PRRC2C: variants seen among roughly 807,000 people sequenced by gnomAD.
PRRC2C encodes the protein protein PRRC2C.
PRRC2C carries 72 observed loss-of-function variants against 317.2 expected under a neutral mutation model. The observed-to-expected ratio is 0.23, with a 90% CI of 0.19 to 0.28. PRRC2C has a LOEUF of 0.28. Ranked by LOEUF, PRRC2C falls within the 10% of genes least tolerant of loss-of-function variation. PRRC2C has a pLI of 1.00. For missense variants in PRRC2C, 3,074 were observed against 3,459.7 expected (o/e 0.89, Z 2.80); for synonymous variants, 1,296 against 1,205.9 (o/e 1.07, Z -1.55).
In PRRC2C at chr1:171,577,419, C is replaced by T. The variant is rs1647275933; in HGVS notation, c.6956-15C>T. 5 of 1,573,022 alleles carry T rather than the reference C, an allele frequency of 3.2e-6. No homozygotes were observed. The highest frequency in any genetic ancestry group is 3.5e-6 in the Non-Finnish European group (4 of 1,145,876). Reference sequence around the variant, plus strand: ...TATGCTCTATTTTCCCCTTTATTTGCTTCCCCAAATATAGGAGCTGGTACA... The same window carrying T: ...TATGCTCTATTTTCCCCTTTATTTGTTTCCCCAAATATAGGAGCTGGTACA... On this transcript the variant is annotated splice_polypyrimidine_tract_variant and intron_variant, in intron 25 of 34. Transcript: ENST00000647382.
intron 2 of PRRC2C, 91 bp downstream of exon 2, chr1:171,512,291 C>T (rs1371181016): frequency 5.6e-6 from 5 of 899,852 alleles, no homozygotes; most frequent in Non-Finnish European, 8.9e-6. Context: ...TAGGATGTAC[C>T]CAAGTTAATA....
chr1:171,532,620 G>A lies in PRRC2C; in HGVS notation c.1532G>A (p.Arg511Gln), dbSNP rs755613143. The stretch of plus-strand genomic sequence containing the variant: ...CCAGAGGAAATTAGGGAAAGGGAGC[G>A]AGAAAAAGAACGGGAGCGTGAGAAA... Reference protein sequence around the residue: ...PSPEEIREREREKEREREKEL... With the variant: ...PSPEEIREREQEKEREREKEL... Residue 511 changes from arginine to glutamine, a missense_variant, in exon 12 of 35, where the codon CGA becomes CAA. Transcript: ENST00000647382. 9.7e-6 allele frequency: 15 copies of A among 1,552,862 alleles called. No homozygotes were observed. The East Asian group carries it at 1.5e-4, about 15-fold the overall frequency.
At chr1:171,489,368 A>G (rs1355420055) in intron 1 of PRRC2C, among the ~76,000 whole-genome samples, 1 of 152,250 alleles carries the variant, frequency 6.6e-6, no homozygotes, top group African/African-American at 2.4e-5. Flanking sequence ...GGCCCAGTGA[A>G]TCAGAGCAAT....
chr1:171,572,302 T>C (rs932540679), intron 24 of PRRC2C, among the ~76,000 whole-genome samples: 1 of 152,166 alleles, frequency 6.6e-6, no homozygotes, highest in Non-Finnish European at 1.5e-5. Context: ...GGAAGATTTT[T>C]TTTAAGTCTA....
rs775467471 is a variant in PRRC2C at position 171,550,154 on chromosome 1, G to A, written c.5041G>A (p.Asp1681Asn). 9 of 1,608,132 alleles carry A rather than the reference G, an allele frequency of 5.6e-6. No homozygotes were observed. The highest frequency in any genetic ancestry group is 8.5e-7 in the Non-Finnish European group (1 of 1,176,848). The change falls in exon 18 of 35, where the codon GAT becomes AAT. Residue 1681 changes from aspartate to asparagine, a missense_variant. Asp to Asn is a conservative substitution (Grantham distance 23). This residue lies in a region of PRRC2C where 640 missense variants were observed against 676.1 expected (regional missense o/e 0.95). Coordinates refer to ENST00000647382, the MANE Select transcript of PRRC2C (RefSeq NM_001387844.1). ...AGATCCCCAGTCAAATTTGAATGATGATGGTTTTACTGAAGTGGTATCCAA... is the reference window on the plus strand; with the variant it reads ...AGATCCCCAGTCAAATTTGAATGATAATGGTTTTACTGAAGTGGTATCCAA... Reference protein sequence around the residue: ...IEDPQSNLNDDGFTEVVSKKQ... With the variant: ...IEDPQSNLNDNGFTEVVSKKQ...
intron 2 of PRRC2C, chr1:171,512,789 A>C (rs1180222598): frequency 6.9e-6 from 3 of 436,536 alleles, no homozygotes; most frequent in Non-Finnish European, 1.2e-5. Context: ...TTTTTAAGGA[A>C]TCTGTTAAAT....
rs886510571 is a variant in PRRC2C, at chr1:171,589,505, A to G, written c.8336A>G (p.His2779Arg). 2.8e-5 allele frequency: 36 copies of G among 1,289,766 alleles called. No homozygotes were observed. The highest frequency in any genetic ancestry group is 3.6e-5 in the Non-Finnish European group (36 of 988,840). 79.9% of individuals were successfully genotyped at this position (1,289,766 alleles called of 1,614,324 possible). ...CCGCTGACCACAGGCCTCATGAGCCATGCTCGTTTGCCACATGTAGCCAGG... is the reference window on the plus strand; with the variant it reads ...CCGCTGACCACAGGCCTCATGAGCCGTGCTCGTTTGCCACATGTAGCCAGG... Reference protein sequence around the residue: ...PPPLTTGLMSHARLPHVARGP... With the variant: ...PPPLTTGLMSRARLPHVARGP... Residue 2779 changes from histidine (H) to arginine (R), a missense_variant, in exon 34 of 35, where the codon CAT becomes CGT. Transcript: ENST00000647382.
At chr1:171,498,949 A>G (rs968700432) in intron 1 of PRRC2C, among the ~76,000 whole-genome samples, 2 of 152,126 alleles carry the variant, frequency 1.3e-5, no homozygotes, top group Admixed American at 1.3e-4. Context: ...CGGGGACTAT[A>G]AACATACTCT....
intron 1 of PRRC2C, among the ~76,000 whole-genome samples, chr1:171,490,282 T>C (rs1666884202): frequency 1.3e-5 from 2 of 152,224 alleles, no homozygotes; most frequent in Admixed American, 1.3e-4. Context: ...AAAATAAACA[T>C]GATTTTACAT....
chr1:171,587,301 A>G, intron 31 of PRRC2C, 80 bp downstream of exon 31: 1 of 1,306,142 alleles, frequency 7.7e-7, no homozygotes, highest in South Asian at 1.5e-5. Flanking sequence ...GTTATCTAAA[A>G]AACTAAAATG....
chr1:171,556,602 A>G (rs1051746887), intron 18 of PRRC2C, among the ~76,000 whole-genome samples: 1 of 151,778 alleles, frequency 6.6e-6, no homozygotes, highest in Non-Finnish European at 1.5e-5. Flanking sequence ...TTAACAACAT[A>G]TCGTATGCTA....
Position 171,503,816 on chromosome 1 carries a change from A to G in PRRC2C, c.-57-8216A>G, listed in dbSNP as rs560030909. Among the ~76,000 whole-genome samples, 48 of 152,336 alleles carry G rather than the reference A, an allele frequency of 3.2e-4. No individual in the cohort carries two copies. In the Middle Eastern group the frequency reaches 0.01, roughly 32 times the overall value. ...TCCACATGGCTGGGGAGGCCTCACA[A>G]TCATGGCAGAAGGCAAAGAGGAGCA... On this transcript the variant is annotated intron_variant, in intron 1 of 34. Coordinates refer to ENST00000647382, the MANE Select transcript of PRRC2C (RefSeq NM_001387844.1).
chr1:171,487,710 G>A (rs1172142528), intron 1 of PRRC2C, among the ~76,000 whole-genome samples: 2 of 152,102 alleles, frequency 1.3e-5, no homozygotes, highest in East Asian at 1.9e-4. Context: ...AAAAGATAAT[G>A]GATAATGTAT....
intron 2 of PRRC2C, 45 bp downstream of exon 2, chr1:171,512,245 GT>G: frequency 7.8e-7 from 1 of 1,289,738 alleles, no homozygotes. Context: ...GGTTTGTTTT[GT>G]TACTATAAGT....
Position 171,559,505 on chromosome 1 carries a change from G to GTTTT in PRRC2C, c.6031+1365_6031+1366insTTTT, listed in dbSNP as rs1236663155. Among the ~76,000 whole-genome samples the GTTTT allele has an allele frequency of 4.4e-3, 414 of 95,126 alleles. 108 individuals are homozygous for GTTTT. Among genetic ancestry groups the GTTTT allele is most frequent in the African/African-American group, 9.0e-3 (225 of 24,880 alleles). The allele number at this position is 95,126 out of a possible 152,430, so 62.4% of individuals were successfully genotyped here. A position where few individuals can be genotyped will look rare whatever the true frequency, so the allele number is the denominator to read the frequency against. Reference sequence around the variant, plus strand: ...ATCTGTTTACAAAATGGCATACCAAGTTTGTTTTTTTTTTTTTTTTTTTTT... The same window carrying GTTTT: ...ATCTGTTTACAAAATGGCATACCAAGTTTTTTTGTTTTTTTTTTTTTTTTTTTTT... On this transcript the variant is annotated intron_variant, in intron 19 of 34. Coordinates refer to ENST00000647382, the MANE Select transcript of PRRC2C (RefSeq NM_001387844.1).
At chr1:171,546,768 T>TTTATTA (rs532497334) in intron 17 of PRRC2C, among the ~76,000 whole-genome samples, 25 of 150,978 alleles carry the variant, frequency 1.7e-4, no homozygotes, top group East Asian at 3.9e-4. Flanking sequence ...GCCCAGCTAA[T>TTTATTA]TTATTATTAT....
At chr1:171,574,256 C>G (rs796710357) in intron 24 of PRRC2C, among the ~76,000 whole-genome samples, 8 of 151,964 alleles carry the variant, frequency 5.3e-5, no homozygotes, top group African/African-American at 1.9e-4. Flanking sequence ...AATATATAAT[C>G]TATTTGTATT....
chr1:171,557,851 C>T lies in PRRC2C; in HGVS notation c.5739C>T (p.Ala1913=). Residue 1913 remains alanine (A), a synonymous_variant, in exon 19 of 35, where the codon GCC becomes GCT. Transcript: ENST00000647382. ...SVPLAPASAS[A]PAPAPTPVSA... ...CACTTGCCCCTGCCTCAGCTTCAGC[C>T]CCAGCCCCAGCCCCTACCCCAGTCT... 6.5e-7 allele frequency: 1 copy of T among 1,541,194 alleles called. No individual in the cohort carries two copies.
chr1:171,492,670 C>T (rs1343548144), intron 1 of PRRC2C, among the ~76,000 whole-genome samples: 3 of 152,092 alleles, frequency 2.0e-5, no homozygotes, highest in Admixed American at 2.0e-4. Context: ...CCATTGCACT[C>T]CGGCCTGGAC....
Sources: allele counts gnomAD v4.1 joint callset (sites outside exome capture counted in the v4.1 genomes callset), GRCh38; gene constraint gnomAD v4.1.1; regional missense constraint gnomAD v4.1.1; transcripts MANE v1.5; gene names NCBI Gene and HGNC (gene_info 2026-07-23, HGNC 2026-07-21).